ZNF622: variants seen among roughly 807,000 people sequenced by gnomAD.
ZNF622 encodes the protein zinc finger protein 622.
A neutral mutation model predicts 49.7 loss-of-function variants in ZNF622; 34 were observed. That is an observed-to-expected ratio of 0.68 (90% CI 0.52 to 0.91). The LOEUF is 0.91. Among genes scored for constraint, ZNF622 ranks in the 40% least tolerant of loss-of-function variants. The pLI, the probability that ZNF622 is intolerant of heterozygous loss-of-function variation, is 0.00. For missense variants in ZNF622, 569 were observed against 616.4 expected (o/e 0.92, Z 0.81); for synonymous variants, 209 against 228.7 (o/e 0.91, Z 0.78).
intron 3 of ZNF622, 48 bp from the exon 4 acceptor site, chr5:16,458,677 A>G (rs1738073358): frequency 7.3e-7 from 1 of 1,362,070 alleles, no homozygotes; most frequent in East Asian, 2.3e-5. Context: ...TCTCAAATTG[A>G]ACTAAAAGAC....
Position 16,463,068 on chromosome 5 carries a change from A to C in ZNF622, c.1049+40T>G. The stretch of plus-strand genomic sequence containing the variant: ...ACACCTAATAATCACTTCAAAGCAA[A>C]TATGACCTCACTTTACTTCATATTA... On this transcript the variant is annotated intron_variant, in intron 3 of 5. Transcript: ENST00000308683. The surrounding 1 kb of genome is among the most constrained non-coding windows in gnomAD (Gnocchi z 4.2). 1 of 1,584,672 alleles carries C rather than the reference A, an allele frequency of 6.3e-7. No homozygotes were observed. Among genetic ancestry groups the C allele is most frequent in the Non-Finnish European group, 8.6e-7 (1 of 1,168,412 alleles).
In ZNF622 at chr5:16,463,682, T is replaced by C. The variant is rs149899832; in HGVS notation, c.686A>G (p.Asp229Gly). The C allele has an allele frequency of 6.2e-7, 1 of 1,614,256 alleles. No individual in the cohort carries two copies. Among genetic ancestry groups the C allele is most frequent in the Non-Finnish European group, 8.5e-7 (1 of 1,180,040 alleles). ...LECEDTEAMD[D>G]VVEQDAEEEE... ...CTCCTCTGCATCCTGCTCCACCACA[T>C]CGTCCATTGCTTCAGTATCCTCACA... is the stretch of plus-strand genomic sequence containing the variant. The change falls in exon 2 of 6, where the codon GAT (aspartate) becomes GGT (glycine). Residue 229 changes from aspartate (D) to glycine (G), a missense_variant. Asp to Gly is a moderately conservative substitution (Grantham distance 94). Transcript: ENST00000308683. The surrounding 1 kb of genome is among the most constrained non-coding windows in gnomAD (Gnocchi z 4.2).
chr5:16,465,531 C>T lies in ZNF622; in HGVS notation c.135G>A (p.Glu45=), dbSNP rs755585967. Residue 45 remains glutamate (E), a synonymous_variant, in exon 1 of 6, where the codon GAG becomes GAA. Transcript: ENST00000308683. This position sits in a 1 kb window ranked among gnomAD's most constrained non-coding sequence, Gnocchi z 6.2. ...KVASMAPVTA[E]GFQERVRAQR... ...GCGCCCGCACTCGCTCCTGGAAGCC[C>T]TCGGCGGTCACTGGGGCCATGCTGG... The T allele has an allele frequency of 6.8e-6, 11 of 1,613,912 alleles. No individual in the cohort carries two copies. In the Middle Eastern group the frequency reaches 8.2e-4, roughly 121 times the overall value.
intron 3 of ZNF622, 40 bp from the exon 4 acceptor site, chr5:16,458,669 T>C (rs1338909190): frequency 7.1e-7 from 1 of 1,416,212 alleles, no homozygotes; most frequent in African/African-American, 1.4e-5. Context: ...GACTAATATC[T>C]CAAATTGAAC....
rs368238864 is a variant in ZNF622, at chr5:16,463,099, T to C, written c.1049+9A>G. On this transcript the variant is annotated intron_variant, in intron 3 of 5. Transcript: ENST00000308683. This position sits in a 1 kb window ranked among gnomAD's most constrained non-coding sequence, Gnocchi z 4.2. ...CCTCACTTTACTTCATATTACAAACTATGCTTACCTAAAATCATAGAAGTC... is the reference window on the plus strand; with the variant it reads ...CCTCACTTTACTTCATATTACAAACCATGCTTACCTAAAATCATAGAAGTC... 9.4e-6 allele frequency: 15 copies of C among 1,596,568 alleles called. No individual in the cohort carries two copies. The South Asian group carries it at 1.5e-4, about 16-fold the overall frequency.
chr5:16,465,779 C>A lies in ZNF622; in HGVS notation c.-114G>T. On this transcript the variant is annotated 5_prime_UTR_variant, in exon 1 of 6. Transcript: ENST00000308683. The surrounding 1 kb of genome is among the most constrained non-coding windows in gnomAD (Gnocchi z 6.2). The stretch of plus-strand genomic sequence containing the variant: ...AGCAGCCAGGAAGAGCCACTCGACA[C>A]GCCGACTTCCTGATTGTCACTGAGG... 7.3e-7 allele frequency: 1 copy of A among 1,363,694 alleles called. No homozygotes were observed. Among genetic ancestry groups the A allele is most frequent in the Non-Finnish European group, 9.9e-7 (1 of 1,007,540 alleles). The allele number at this position is 1,363,694 out of a possible 1,614,324, so 84.5% of individuals were successfully genotyped here.
At chr5:16,455,800 T>A (rs1320251121) in intron 4 of ZNF622, among the ~76,000 whole-genome samples, 1 of 152,212 alleles carries the variant, frequency 6.6e-6, no homozygotes, top group Non-Finnish European at 1.5e-5. Flanking sequence ...GTCTTTGAAA[T>A]GGCTTCATTA....
rs1561071265 is a variant in ZNF622, at chr5:16,465,482, TCTC to T, written c.181_183del (p.Glu61del). On this transcript the variant is annotated inframe_deletion, in exon 1 of 6. Coordinates refer to ENST00000308683, the MANE Select transcript of ZNF622 (RefSeq NM_033414.3). The surrounding 1 kb of genome is among the most constrained non-coding windows in gnomAD (Gnocchi z 6.2). ...GTGCAGTAGGTGGCCGAGCCCTTGC[TCTC>T]CTCCTCCGCGACGGCCCGCTGCGCC... 1.9e-6 allele frequency: 3 copies of T among 1,614,212 alleles called. No individual in the cohort carries two copies. The highest frequency in any genetic ancestry group is 1.1e-5 in the South Asian group (1 of 91,090).
Position 16,465,551 on chromosome 5 carries a change from T to C in ZNF622, c.115A>G (p.Met39Val). Residue 39 changes from methionine (M) to valine (V), a missense_variant, in exon 1 of 6, where the codon ATG becomes GTG. By Grantham distance (21) the Met-to-Val change is conservative. Transcript: ENST00000308683. This position sits in a 1 kb window ranked among gnomAD's most constrained non-coding sequence, Gnocchi z 6.2. ...RYNLRRKVAS[M>V]APVTAEGFQE... ...AAGCCCTCGGCGGTCACTGGGGCCA[T>C]GCTGGCCACCTTCCGCCGCAGGTTG... 2.5e-6 allele frequency: 4 copies of C among 1,613,842 alleles called. No individual in the cohort carries two copies. Among genetic ancestry groups the C allele is most frequent in the Non-Finnish European group, 3.4e-6 (4 of 1,179,898 alleles).
In ZNF622 at chr5:16,465,244, G is replaced by T; in HGVS notation, c.422C>A (p.Ser141Tyr). ...AIQQAIKAQP[S>Y]MSPKKAPPAP... is the part of the protein sequence containing the mutation. ...TGGGGGCGCCTTCTTGGGAGACATGGACGGCTGGGCCTTGATGGCCTGCTG... is the reference window on the plus strand; with the variant it reads ...TGGGGGCGCCTTCTTGGGAGACATGTACGGCTGGGCCTTGATGGCCTGCTG... The change falls in exon 1 of 6, where the codon TCC becomes TAC. Residue 141 changes from serine to tyrosine, a missense_variant. By Grantham distance (144) the Ser-to-Tyr change is moderately radical. Coordinates refer to ENST00000308683, the MANE Select transcript of ZNF622 (RefSeq NM_033414.3). This position sits in a 1 kb window ranked among gnomAD's most constrained non-coding sequence, Gnocchi z 6.2. 1.9e-6 allele frequency: 3 copies of T among 1,614,228 alleles called. No individual in the cohort carries two copies. Among genetic ancestry groups the T allele is most frequent in the Non-Finnish European group, 2.5e-6 (3 of 1,180,016 alleles).
chr5:16,454,695 G>C (rs1054462218), intron 4 of ZNF622, among the ~76,000 whole-genome samples: 1 of 152,134 alleles, frequency 6.6e-6, no homozygotes, highest in African/African-American at 2.4e-5. Context: ...CCAACCGCCT[G>C]TTTTGGTTTG....
intron 3 of ZNF622, among the ~76,000 whole-genome samples, chr5:16,459,853 T>C (rs1037502364): frequency 6.6e-6 from 1 of 152,198 alleles, no homozygotes; most frequent in Admixed American, 6.5e-5. Context: ...TAAGTCAGAA[T>C]AGTAGTTACT....
Position 16,464,789 on chromosome 5 carries a change from AT to A in ZNF622, c.625+251del, listed in dbSNP as rs371561501. Among the ~76,000 whole-genome samples, 22 of 152,334 alleles carry A rather than the reference AT, an allele frequency of 1.4e-4. No homozygotes were observed. In the South Asian group the frequency reaches 4.3e-3, roughly 30 times the overall value. The stretch of plus-strand genomic sequence containing the variant: ...TCCAAAACACAGAAGGCATCAATTC[AT>A]TCTCCAAATATGCATTAAGCACTTC... On this transcript the variant is annotated intron_variant, in intron 1 of 5. Transcript: ENST00000308683.
intron 3 of ZNF622, among the ~76,000 whole-genome samples, chr5:16,462,607 T>C (rs913905852): frequency 9.9e-5 from 15 of 152,110 alleles, no homozygotes; most frequent in Non-Finnish European, 2.1e-4. Context: ...TAGGCCATGA[T>C]TGTGCCACTG....
intron 3 of ZNF622, among the ~76,000 whole-genome samples, chr5:16,459,919 T>A (rs1244265860): frequency 2.6e-5 from 4 of 152,180 alleles, no homozygotes; most frequent in Non-Finnish European, 5.9e-5. Context: ...TGTCAGGGTA[T>A]TATTAACATG....
chr5:16,454,659 A>G (rs1338978655), intron 4 of ZNF622, among the ~76,000 whole-genome samples: 1 of 152,150 alleles, frequency 6.6e-6, no homozygotes, highest in Non-Finnish European at 1.5e-5. Context: ...AGGGGTGGCA[A>G]ACTACAGCCA....
rs1738166017 is a variant in ZNF622, at chr5:16,463,883, A to G, written c.626-141T>C. 2.3e-6 allele frequency: 2 copies of G among 869,210 alleles called. No homozygotes were observed. Among genetic ancestry groups the G allele is most frequent in the Non-Finnish European group, 3.6e-6 (2 of 562,844 alleles). The allele number at this position is 869,210 out of a possible 1,614,324, so 53.8% of individuals were successfully genotyped here. The stretch of plus-strand genomic sequence containing the variant: ...TCCCAAGGACAACTCCTCTTTCAAG[A>G]TCTCAATTTTAGCTATTTGTTTACC... On this transcript the variant is annotated intron_variant, in intron 1 of 5. Coordinates refer to ENST00000308683, the MANE Select transcript of ZNF622 (RefSeq NM_033414.3). This position sits in a 1 kb window ranked among gnomAD's most constrained non-coding sequence, Gnocchi z 4.2.
Position 16,465,727 on chromosome 5 carries a change from C to T in ZNF622, c.-62G>A, listed in dbSNP as rs1738211926. The T allele has an allele frequency of 1.3e-6, 2 of 1,510,468 alleles. No homozygotes were observed. The highest frequency in any genetic ancestry group is 2.8e-5 in the African/African-American group (2 of 71,802). 93.6% of individuals were successfully genotyped at this position (1,510,468 alleles called of 1,614,324 possible). On this transcript the variant is annotated 5_prime_UTR_variant, in exon 1 of 6. In the 5' UTR this introduces an upstream ATG that the reference lacks. Transcript: ENST00000308683. This position sits in a 1 kb window ranked among gnomAD's most constrained non-coding sequence, Gnocchi z 6.2. ...CCTGGTGATCAGCGCCGTGGCCCCA[C>T]AAGACCCTCAGACCTTAACCCGCCT...
chr5:16,460,491 C>T (rs970609145), intron 3 of ZNF622, among the ~76,000 whole-genome samples: 2 of 152,254 alleles, frequency 1.3e-5, no homozygotes, highest in East Asian at 3.9e-4. Context: ...CAGGTAAGCA[C>T]TCCATAAACA....
Sources: allele counts gnomAD v4.1 joint callset (sites outside exome capture counted in the v4.1 genomes callset), GRCh38; gene constraint gnomAD v4.1.1; non-coding constraint Gnocchi (gnomAD v3.1); transcripts MANE v1.5; gene names NCBI Gene and HGNC (gene_info 2026-07-23, HGNC 2026-07-21).